METTL26: variants seen among roughly 807,000 people sequenced by gnomAD.
The protein encoded by METTL26 is methyltransferase-like 26.
In METTL26, 28 loss-of-function variants were observed where a neutral mutation model predicts 24.7. The ratio of observed to expected loss-of-function variants is 1.13; its 90% confidence interval spans 0.84 to 1.55. The LOEUF is 1.55. Among genes scored for constraint, METTL26 ranks in the 40% most tolerant of loss-of-function variants. The pLI is 0.00. For synonymous variants in METTL26, 165 were observed against 125.2 expected, an observed-to-expected ratio of 1.32 and a Z score of -2.12; for missense variants, 344 against 281.2, an observed-to-expected ratio of 1.22 and a Z score of -1.60.
Position 635,238 on chromosome 16 carries a change from TA to T in METTL26, c.420+42del, listed in dbSNP as rs747074958. 26 of 1,537,556 alleles carry T rather than the reference TA, an allele frequency of 1.7e-5. No individual in the cohort carries two copies. The South Asian group carries it at 2.3e-4, about 13-fold the overall frequency. On this transcript the variant is annotated intron_variant, in intron 3 of 5. Transcript: ENST00000301686. ...TCTCAGCAGGGCAGGAGACAGCAGCTAGGACTGGGAGCGGGAGGCCCGCCGT... is the reference window on the plus strand; with the variant it reads ...TCTCAGCAGGGCAGGAGACAGCAGCTGGACTGGGAGCGGGAGGCCCGCCGT...
chr16:634,575 TGTGCGGGG>T lies in METTL26; in HGVS notation c.*14_*21del. 1 of 1,613,106 alleles carries T rather than the reference TGTGCGGGG, an allele frequency of 6.2e-7. No homozygotes were observed. The highest frequency in any genetic ancestry group is 1.1e-5 in the South Asian group (1 of 91,084). On this transcript the variant is annotated 3_prime_UTR_variant, in exon 6 of 6. Transcript: ENST00000301686. ...ACAGAGCCTCCGGCAGGGATGCAGGTGTGCGGGGGTGAAGGAGGGGCTTAGTTTTTCCG... is the reference window on the plus strand; with the variant it reads ...ACAGAGCCTCCGGCAGGGATGCAGGTGTGAAGGAGGGGCTTAGTTTTTCCG...
At chr16:635,534 G>GAGGCTGGAGACCCC (rs1567202309) in intron 2 of METTL26, 78 bp downstream of exon 2, 1 of 1,509,830 alleles carries the variant, frequency 6.6e-7, no homozygotes, top group Non-Finnish European at 8.9e-7. Context: ...TGTGATGGGG[G>GAGGCTGGAGACCCC]CAAATCTGGC....
At position 635,477 on chromosome 16, in the gene METTL26, C is replaced by T. The variant is rs987742951; in HGVS notation, c.360+135G>A. 3.0e-5 allele frequency: 20 copies of T among 659,246 alleles called. No homozygotes were observed. The African/African-American group carries it at 3.7e-4, about 12-fold the overall frequency. The allele number at this position is 659,246 out of a possible 1,614,324, so 40.8% of individuals were successfully genotyped here. ...CGACTGTGATGGGGGAGGCTGGAGA[C>T]CCTCACCCCGACTGTGATGGGGGAG... On this transcript the variant is annotated intron_variant, in intron 2 of 5. Transcript: ENST00000301686.
chr16:636,167 C>T lies in METTL26; in HGVS notation c.124G>A (p.Ala42Thr). 1 of 1,476,406 alleles carries T rather than the reference C, an allele frequency of 6.8e-7. No homozygotes were observed. The highest frequency in any genetic ancestry group is 8.9e-7 in the Non-Finnish European group (1 of 1,121,396). The allele number at this position is 1,476,406 out of a possible 1,614,324, so 91.5% of individuals were successfully genotyped here. A position where few individuals can be genotyped will look rare whatever the true frequency, so the allele number is the denominator to read the frequency against. Residue 42 changes from alanine (A) to threonine (T), a missense_variant, in exon 1 of 6, where the codon GCA becomes ACA. By Grantham distance (58) the Ala-to-Thr change is moderately conservative (BLOSUM62 0). Coordinates refer to ENST00000301686, the MANE Select transcript of METTL26 (RefSeq NM_032366.5). ...GGGAAGGCCCGCGCGAAGTGCGCTGCGTGCTGGCCGGAGCCCGAGGCCACC... is the reference window on the plus strand; with the variant it reads ...GGGAAGGCCCGCGCGAAGTGCGCTGTGTGCTGGCCGGAGCCCGAGGCCACC... Reference protein sequence around the residue: ...LEVASGSGQHAAHFARAFPLA... With the variant: ...LEVASGSGQHTAHFARAFPLA...
chr16:635,605 C>T lies in METTL26; in HGVS notation c.360+7G>A, dbSNP rs2037112300. ...CGGCAGACACCCATGCTGGGCTCCC[C>T]ACAGACCTCCGTGCAGCGCAGGGGG... On this transcript the variant is annotated splice_region_variant and intron_variant, in intron 2 of 5. Transcript: ENST00000301686. The T allele has an allele frequency of 1.9e-6, 3 of 1,549,120 alleles. No homozygotes were observed. Among genetic ancestry groups the T allele is most frequent in the Non-Finnish European group, 2.6e-6 (3 of 1,146,784 alleles).
Position 634,812 on chromosome 16 carries a change from G to C in METTL26, c.489-15C>G. On this transcript the variant is annotated splice_polypyrimidine_tract_variant and intron_variant, in intron 4 of 5. Coordinates refer to ENST00000301686, the MANE Select transcript of METTL26 (RefSeq NM_032366.5). ...ATTCTGGGTTCCTGCAGAGGGTGGG[G>C]AGATGGAGTCATGGCCTGGGGGGTG... 2 of 1,604,118 alleles carry C rather than the reference G, an allele frequency of 1.2e-6. No individual in the cohort carries two copies. Among genetic ancestry groups the C allele is most frequent in the Non-Finnish European group, 1.7e-6 (2 of 1,175,278 alleles).
At chr16:635,035 G>C in intron 3 of METTL26, 79 bp from the exon 4 acceptor site, 1 of 1,535,516 alleles carries the variant, frequency 6.5e-7, no homozygotes, top group Non-Finnish European at 8.7e-7. Context: ...TGCAGGCTGG[G>C]GTTTGGAGAA....
intron 1 of METTL26, 103 bp from the exon 2 acceptor site, chr16:635,877 C>T (rs778720340): frequency 7.0e-7 from 1 of 1,423,728 alleles, no homozygotes; most frequent in African/African-American, 1.4e-5. Context: ...CGTTGAGGAG[C>T]GGAGACCAAA....
rs2037043354 is a variant in METTL26 at position 634,776 on chromosome 16, C to T, written c.510G>A (p.Arg170=). 1.9e-6 allele frequency: 3 copies of T among 1,611,502 alleles called. No homozygotes were observed. The highest frequency in any genetic ancestry group is 2.5e-6 in the Non-Finnish European group (3 of 1,179,228). The change falls in exon 5 of 6, where the codon CGG becomes CGA. Residue 170 remains arginine (R), a synonymous_variant. Transcript: ENST00000301686. ...LRCRNPEWGL[R]DTALLEDLGK... ...CCAGGTCCTCCAGGAGGGCTGTGTCCCGAAGCCCCCATTCTGGGTTCCTGC... is the reference window on the plus strand; with the variant it reads ...CCAGGTCCTCCAGGAGGGCTGTGTCTCGAAGCCCCCATTCTGGGTTCCTGC...
rs1415064172 is a variant in METTL26, at chr16:634,699, GC to G, written c.567+19del. On this transcript the variant is annotated intron_variant, in intron 5 of 5. Transcript: ENST00000301686. Reference sequence around the variant, plus strand: ...CTCAACCCCTAGAGAGGTTGCCTGGGCCCCCGCTCCCCCACCTACCATCCTC... The same window carrying G: ...CTCAACCCCTAGAGAGGTTGCCTGGGCCCCGCTCCCCCACCTACCATCCTC... 1.2e-6 allele frequency: 2 copies of G among 1,612,902 alleles called. No individual in the cohort carries two copies.
At chr16:635,811 T>A (rs2037135506) in intron 1 of METTL26, 37 bp from the exon 2 acceptor site, 2 of 1,517,096 alleles carry the variant, frequency 1.3e-6, no homozygotes, top group East Asian at 4.7e-5. Flanking sequence ...GGCCGAGTCC[T>A]GTGCACCCGC....
rs766413878 is a variant in METTL26 at position 635,262 on chromosome 16, C to A, written c.420+19G>T. On this transcript the variant is annotated intron_variant, in intron 3 of 5. Transcript: ENST00000301686. Reference sequence around the variant, plus strand: ...CTAGGACTGGGAGCGGGAGGCCCGCCGTGGACAGGCCCACTCACCCCGTAG... The same window carrying A: ...CTAGGACTGGGAGCGGGAGGCCCGCAGTGGACAGGCCCACTCACCCCGTAG... 2.6e-6 allele frequency: 4 copies of A among 1,564,134 alleles called. No homozygotes were observed. The highest frequency in any genetic ancestry group is 1.2e-5 in the South Asian group (1 of 86,230).
Position 634,560 on chromosome 16 carries a change from C to G in METTL26, c.*37G>C. 1 of 1,613,046 alleles carries G rather than the reference C, an allele frequency of 6.2e-7. No homozygotes were observed. Among genetic ancestry groups the G allele is most frequent in the Non-Finnish European group, 8.5e-7 (1 of 1,179,934 alleles). On this transcript the variant is annotated 3_prime_UTR_variant, in exon 6 of 6. Transcript: ENST00000301686. ...CAGGGTTCGTGCCTCACAGAGCCTC[C>G]GGCAGGGATGCAGGTGTGCGGGGGT...
Position 635,316 on chromosome 16 carries a change from G to C in METTL26, c.385C>G (p.Leu129Val). 1 of 1,600,032 alleles carries C rather than the reference G, an allele frequency of 6.2e-7. No homozygotes were observed. Among genetic ancestry groups the C allele is most frequent in the African/African-American group, 1.3e-5 (1 of 74,922 alleles). The change falls in exon 3 of 6, where the codon CTG (leucine) becomes GTG (valine). Residue 129 changes from leucine to valine, a missense_variant. Transcript: ENST00000301686. ...TEGLFRAAGH[L>V]LKPRALLITY... ...ATGAGCAGGGCCCTGGGTTTGAGCAGGTGTCCTGCTGCTCTGAAGAGCCCC... is the reference window on the plus strand; with the variant it reads ...ATGAGCAGGGCCCTGGGTTTGAGCACGTGTCCTGCTGCTCTGAAGAGCCCC...
Position 636,089 on chromosome 16 carries a change from C to T in METTL26, c.197+5G>A. 1.4e-6 allele frequency: 2 copies of T among 1,406,098 alleles called. No homozygotes were observed. Among genetic ancestry groups the T allele is most frequent in the South Asian group, 3.1e-5 (2 of 64,570 alleles). The allele number at this position is 1,406,098 out of a possible 1,614,324, so 87.1% of individuals were successfully genotyped here. A position where few individuals can be genotyped will look rare whatever the true frequency, so the allele number is the denominator to read the frequency against. ...CGATAGAAGTGGCCGCCCCGGGGGC[C>T]GCACCTGTCCAGGCAGCGCTGGTCC... On this transcript the variant is annotated splice_donor_5th_base_variant and intron_variant, in intron 1 of 5. Coordinates refer to ENST00000301686, the MANE Select transcript of METTL26 (RefSeq NM_032366.5).
chr16:634,727 C>T lies in METTL26; in HGVS notation c.559G>A (p.Glu187Lys). Residue 187 changes from glutamate (E) to lysine (K), a missense_variant, in exon 5 of 6, where the codon GAG becomes AAG. Glu to Lys is a moderately conservative substitution (Grantham distance 56). Coordinates refer to ENST00000301686, the MANE Select transcript of METTL26 (RefSeq NM_032366.5). ...DLGKASGLLLERMVDMPANNK... is the reference protein window; with the variant it reads ...DLGKASGLLLKRMVDMPANNK... ...CCCGCTCCCCCACCTACCATCCTCTCCAGGAGCAGGCCACTGGCCTTTCCC... is the reference window on the plus strand; with the variant it reads ...CCCGCTCCCCCACCTACCATCCTCTTCAGGAGCAGGCCACTGGCCTTTCCC... 6.2e-7 allele frequency: 1 copy of T among 1,612,880 alleles called. No homozygotes were observed. The highest frequency in any genetic ancestry group is 2.2e-5 in the East Asian group (1 of 44,884).
At chr16:634,684 A>G in intron 5 of METTL26, 35 bp downstream of exon 5, 1 of 1,612,754 alleles carries the variant, frequency 6.2e-7, no homozygotes, top group Non-Finnish European at 8.5e-7. Flanking sequence ...CTCAACCCCT[A>G]GAGAGGTTGC....
intron 3 of METTL26, 155 bp from the exon 4 acceptor site, chr16:635,111 G>T (rs1262696722): frequency 2.0e-6 from 3 of 1,498,384 alleles, no homozygotes; most frequent in Non-Finnish European, 2.7e-6. Flanking sequence ...GGGCAAGGGG[G>T]TAGGGAGGCT....
In METTL26 at chr16:634,513, C is replaced by T; in HGVS notation, c.*84G>A. 2 of 1,611,678 alleles carry T rather than the reference C, an allele frequency of 1.2e-6. No individual in the cohort carries two copies. The highest frequency in any genetic ancestry group is 1.7e-6 in the Non-Finnish European group (2 of 1,178,960). ...GCACAGACTGGGTGGGGCTGTCGTC[C>T]ACAAGGTCCGGCCTAGGGAGGCAGG... On this transcript the variant is annotated 3_prime_UTR_variant, in exon 6 of 6. Transcript: ENST00000301686.
Sources: allele counts gnomAD v4.1 joint callset, GRCh38; gene constraint gnomAD v4.1.1; transcripts MANE v1.5; gene names NCBI Gene and HGNC (gene_info 2026-07-23, HGNC 2026-07-21).